Variants in SNX24 observed in about 807,000 individuals in gnomAD.
SNX24 encodes sorting nexin 24.
A neutral mutation model predicts 28.7 loss-of-function variants in SNX24; 22 were observed. That is an observed-to-expected ratio of 0.77 (90% CI 0.55 to 1.10). The LOEUF is 1.10. Among genes scored for constraint, SNX24 ranks in the 50% least tolerant of loss-of-function variants. The pLI is 0.00. For synonymous variants in SNX24, 69 were observed against 71.5 expected (o/e 0.96, Z 0.18); for missense variants, 221 against 201.1 (o/e 1.10, Z -0.60).
chr5:122,913,992 C>G (rs1037175909), intron 1 of SNX24, among the ~76,000 whole-genome samples: 9 of 152,256 alleles, frequency 5.9e-5, no homozygotes, highest in Admixed American at 5.9e-4. Flanking sequence ...CACCTGCAAT[C>G]GCAGGCACTC....
chr5:123,021,686 C>G (rs1762765104), intron 5 of SNX24, among the ~76,000 whole-genome samples: 1 of 152,170 alleles, frequency 6.6e-6, no homozygotes, highest in South Asian at 2.1e-4. Flanking sequence ...CCCTCCGCAA[C>G]TTCAAACAGA....
At chr5:123,002,618 C>T (rs1473692224) in intron 6 of SNX24, among the ~76,000 whole-genome samples, 3 of 152,120 alleles carry the variant, frequency 2.0e-5, no homozygotes, top group South Asian at 4.1e-4. Context: ...GGCGACAGAG[C>T]GAGACTCCGT....
intron 3 of SNX24, among the ~76,000 whole-genome samples, chr5:122,964,166 C>T (rs895100760): frequency 6.7e-6 from 1 of 149,084 alleles, no homozygotes; most frequent in Non-Finnish European, 1.5e-5. Context: ...TCGCTTGAAC[C>T]CAGGAGGTGG....
chr5:122,921,560 A>T (rs1758430104), intron 1 of SNX24, among the ~76,000 whole-genome samples: 1 of 152,202 alleles, frequency 6.6e-6, no homozygotes. Flanking sequence ...AAAGAAAAAA[A>T]ATTCACATCC....
At chr5:122,966,409 A>G (rs1394934355) in intron 3 of SNX24, among the ~76,000 whole-genome samples, 2 of 152,244 alleles carry the variant, frequency 1.3e-5, no homozygotes, top group South Asian at 2.1e-4. Context: ...ATTTTAGGCC[A>G]TGTGAGCCAT....
intron 2 of SNX24, among the ~76,000 whole-genome samples, chr5:122,940,696 C>A (rs1296116141): frequency 6.6e-6 from 1 of 152,130 alleles, no homozygotes; most frequent in African/African-American, 2.4e-5. Context: ...CCCAGCCTCC[C>A]GAGTAGCTAA....
At chr5:122,924,742 G>A (rs1037610840) in intron 1 of SNX24, among the ~76,000 whole-genome samples, 1 of 152,066 alleles carries the variant, frequency 6.6e-6, no homozygotes, top group Non-Finnish European at 1.5e-5. Context: ...TAAGAAAGTA[G>A]GCGTTATCAT....
chr5:122,989,123 G>A (rs1255238367), intron 3 of SNX24, among the ~76,000 whole-genome samples: 1 of 151,992 alleles, frequency 6.6e-6, no homozygotes, highest in African/African-American at 2.4e-5. Flanking sequence ...TTTACAATCT[G>A]CAGAAGCATG....
rs147087675 is a variant in SNX24 at position 122,936,016 on chromosome 5, A to G, written c.61-718A>G. On this transcript the variant is annotated intron_variant, in intron 1 of 6. Transcript: ENST00000261369. ...ATTGTATTTTCATGAGCATTTCACA[A>G]TATTTCTCATCCCTTGTTTCCAGTC... Among the ~76,000 whole-genome samples the G allele has an allele frequency of 1.4e-3, 206 of 152,260 alleles. 1 individual carries two copies. The South Asian group carries it at 0.015, about 11-fold the overall frequency.
intron 3 of SNX24, among the ~76,000 whole-genome samples, chr5:122,990,804 T>A (rs775227395): frequency 1.5e-4 from 23 of 152,242 alleles, no homozygotes; most frequent in Non-Finnish European, 2.8e-4. Context: ...TTTGGTTCGC[T>A]TGTTGTAAAA....
At chr5:122,983,757 A>T (rs11742436) in intron 3 of SNX24, among the ~76,000 whole-genome samples, 2 of 141,632 alleles carry the variant, frequency 1.4e-5, no homozygotes. Context: ...GGCGTGTGCA[A>T]CCATGCCCTG....
chr5:123,011,433 C>T (rs771766767), downstream of SNX24, among the ~76,000 whole-genome samples: 3 of 152,198 alleles, frequency 2.0e-5, no homozygotes, highest in Non-Finnish European at 4.4e-5. Context: ...TGAACAACCC[C>T]AATATCACCA....
At chr5:122,971,515 A>G (rs1292429789) in intron 3 of SNX24, among the ~76,000 whole-genome samples, 1 of 152,230 alleles carries the variant, frequency 6.6e-6, no homozygotes, top group Non-Finnish European at 1.5e-5. Flanking sequence ...TAATCTTCAA[A>G]TAAAGACAAT....
intron 3 of SNX24, among the ~76,000 whole-genome samples, chr5:122,952,599 G>C (rs1023578653): frequency 2.0e-5 from 3 of 152,160 alleles, no homozygotes; most frequent in Admixed American, 6.5e-5. Flanking sequence ...ATGATAATCA[G>C]GCATTTGAAG....
chr5:123,000,911 C>T (rs1377143296), intron 4 of SNX24, among the ~76,000 whole-genome samples: 1 of 152,158 alleles, frequency 6.6e-6, no homozygotes, highest in East Asian at 1.9e-4. Flanking sequence ...ATGTTAAACC[C>T]CAGCCATCTG....
At chr5:122,989,628 C>T (rs1399268502) in intron 3 of SNX24, among the ~76,000 whole-genome samples, 1 of 152,106 alleles carries the variant, frequency 6.6e-6, no homozygotes, top group Non-Finnish European at 1.5e-5. Context: ...TTTAGCTTGG[C>T]AGCTTGCCAC....
chr5:123,004,132 CAA>C (rs1196152949), intron 6 of SNX24, among the ~76,000 whole-genome samples: 2 of 152,176 alleles, frequency 1.3e-5, no homozygotes, highest in African/African-American at 4.8e-5. Flanking sequence ...CCGCCCCCTA[CAA>C]AGTCAGAGGA....
chr5:122,940,761 C>T (rs959340824), intron 2 of SNX24, among the ~76,000 whole-genome samples: 3 of 152,116 alleles, frequency 2.0e-5, no homozygotes, highest in Non-Finnish European at 4.4e-5. Context: ...TTAGTAGAAA[C>T]AGGGTTTCAC....
rs11419088 is a variant in SNX24 at position 122,939,996 on chromosome 5, CT to C, written c.144+3190del. The stretch of plus-strand genomic sequence containing the variant: ...CTACTTAATTTTTCATTTTCATTTT[CT>C]TTTTTTTTTTGAGACAGAGTCTCGC... On this transcript the variant is annotated intron_variant, in intron 2 of 6. Coordinates refer to ENST00000261369, the MANE Select transcript of SNX24 (RefSeq NM_014035.4). Among the ~76,000 whole-genome samples the C allele has an allele frequency of 2.8e-4, 41 of 147,680 alleles. 2 individuals carry two copies. The highest frequency in any genetic ancestry group is 2.8e-4 in the Non-Finnish European group (19 of 66,794).
Sources: allele counts gnomAD v4.1 joint callset (sites outside exome capture counted in the v4.1 genomes callset), GRCh38; gene constraint gnomAD v4.1.1; transcripts MANE v1.5; gene names NCBI Gene and HGNC (gene_info 2026-07-23, HGNC 2026-07-21).